SPPL2B: variants seen among roughly 807,000 people sequenced by gnomAD.
The protein encoded by SPPL2B is signal peptide peptidase-like 2B.
SPPL2B carries 39 observed loss-of-function variants against 59.7 expected under a neutral mutation model. That is an observed-to-expected ratio of 0.65 (90% CI 0.51 to 0.85). The LOEUF (loss-of-function observed/expected upper bound fraction) is 0.85, where lower values mean the gene tolerates loss of function less well. Among genes scored for constraint, SPPL2B ranks in the 40% least tolerant of loss-of-function variants. The pLI is 0.00. For missense variants in SPPL2B, 865 were observed against 849.0 expected, an observed-to-expected ratio of 1.02 and a Z score of -0.23; for synonymous variants, 419 against 370.8, an observed-to-expected ratio of 1.13 and a Z score of -1.49.
rs768926314 is a variant in SPPL2B, at chr19:2,343,102, TG to T, written c.957-105del. Reference sequence around the variant, plus strand: ...ATCCCCTGGGCAGGTGGAAGGGCAGTGGGGCTGCGTGCTGGCTGAGAGCAAG... The same window carrying T: ...ATCCCCTGGGCAGGTGGAAGGGCAGTGGGCTGCGTGCTGGCTGAGAGCAAG... On this transcript the variant is annotated intron_variant, in intron 8 of 14. Coordinates refer to ENST00000613503, the MANE Select transcript of SPPL2B (RefSeq NM_152988.3). 1.9e-4 allele frequency: 157 copies of T among 827,786 alleles called. No individual in the cohort carries two copies. In the Middle Eastern group the frequency reaches 3.0e-3, roughly 16 times the overall value. The allele number at this position is 827,786 out of a possible 1,614,324, so 51.3% of individuals were successfully genotyped here.
rs1360549002 is a variant in SPPL2B at position 2,340,107 on chromosome 19, C to T, written c.774C>T (p.Ala258=). Residue 258 remains alanine (A), a synonymous_variant, in exon 7 of 15, where the codon GCC becomes GCT. Transcript: ENST00000613503. The part of the protein sequence containing the change: ...VYVVIGIFCL[A]SATGLYSCLA... ...TGGTCATCGGGATCTTCTGCCTGGCCTCCGCCACCGGCCTCTACAGCTGCC... is the reference window on the plus strand; with the variant it reads ...TGGTCATCGGGATCTTCTGCCTGGCTTCCGCCACCGGCCTCTACAGCTGCC... The T allele has an allele frequency of 8.8e-6, 14 of 1,594,608 alleles. No individual in the cohort carries two copies. The highest frequency in any genetic ancestry group is 1.2e-5 in the Non-Finnish European group (14 of 1,176,056).
At position 2,353,035 on chromosome 19, in the gene SPPL2B, G is replaced by A. The variant is rs750371156; in HGVS notation, c.1605G>A (p.Pro535=). The A allele has an allele frequency of 1.8e-5, 29 of 1,611,764 alleles. No homozygotes were observed. The highest frequency in any genetic ancestry group is 4.4e-5 in the South Asian group (4 of 91,046). The change falls in exon 15 of 15, where the codon CCG becomes CCA. Residue 535 remains proline (P), a synonymous_variant. Coordinates refer to ENST00000613503, the MANE Select transcript of SPPL2B (RefSeq NM_152988.3). Reference sequence around the variant, plus strand: ...CTGCCACGCCACTCTCCCCGCAGCCGCCCAGCGAAGAACCAGCCACATCCC... The same window carrying A: ...CTGCCACGCCACTCTCCCCGCAGCCACCCAGCGAAGAACCAGCCACATCCC... ...KDSATPLSPQ[P]PSEEPATSPW...
At chr19:2,350,621 A>T (rs1969873541) in intron 13 of SPPL2B, among the ~76,000 whole-genome samples, 1 of 152,256 alleles carries the variant, frequency 6.6e-6, no homozygotes, top group South Asian at 2.1e-4. Context: ...TGGGGAAAAG[A>T]TTTGTGTTCT....
At chr19:2,331,359 G>A (rs1021712190) in intron 1 of SPPL2B, among the ~76,000 whole-genome samples, 2 of 152,232 alleles carry the variant, frequency 1.3e-5, no homozygotes, top group African/African-American at 4.8e-5. Flanking sequence ...CAATTGTGAA[G>A]GATTTGGAGG....
At position 2,353,210 on chromosome 19, in the gene SPPL2B, G is replaced by C. The variant is rs775219707; in HGVS notation, c.*1G>C. ...AACCCAGCCTGGCGCCTCGGCCTAG[G>C]GGAGGGGTGAGACGCTCGCTGCCGT... On this transcript the variant is annotated 3_prime_UTR_variant, in exon 15 of 15. Coordinates refer to ENST00000613503, the MANE Select transcript of SPPL2B (RefSeq NM_152988.3). The C allele has an allele frequency of 3.1e-6, 5 of 1,593,362 alleles. No individual in the cohort carries two copies. The Admixed American group carries it at 8.6e-5, about 27-fold the overall frequency.
At position 2,343,926 on chromosome 19, in the gene SPPL2B, G is replaced by A. The variant is rs971275526; in HGVS notation, c.1039-39G>A. 3 of 1,508,418 alleles carry A rather than the reference G, an allele frequency of 2.0e-6. No individual in the cohort carries two copies. The African/African-American group carries it at 4.2e-5, about 21-fold the overall frequency. The allele number at this position is 1,508,418 out of a possible 1,614,324, so 93.4% of individuals were successfully genotyped here. On this transcript the variant is annotated intron_variant, in intron 9 of 14. Coordinates refer to ENST00000613503, the MANE Select transcript of SPPL2B (RefSeq NM_152988.3). ...ATGAGATGGGAGTGGGGGAGGCACG[G>A]GCCGGGGTGGGGGCCGCCCTCAGCC... is the stretch of plus-strand genomic sequence containing the variant.
At chr19:2,348,610 TTCTC>T (rs1158636762) in intron 13 of SPPL2B, among the ~76,000 whole-genome samples, 1 of 140,390 alleles carries the variant, frequency 7.1e-6, no homozygotes, top group African/African-American at 2.6e-5. Context: ...CCTGATTCCA[TTCTC>T]TCTCTCCACA....
At chr19:2,335,407 G>T (rs1968526650) in intron 2 of SPPL2B, among the ~76,000 whole-genome samples, 6 of 126,672 alleles carry the variant, frequency 4.7e-5, no homozygotes, top group Non-Finnish European at 6.6e-5. Context: ...CTTTCCCACT[G>T]CATGCTTCAG....
intron 2 of SPPL2B, 65 bp from the exon 3 acceptor site, chr19:2,337,378 C>G (rs3752204): frequency 0.96 from 1,396,173 of 1,450,486 alleles, 672,125 homozygotes; most frequent in African/African-American, 0.99. Context: ...GGTGGGAGAA[C>G]GGGCAGCTGG....
rs962997370 is a variant in SPPL2B at position 2,353,557 on chromosome 19, C to T, written c.*348C>T. 12 of 276,066 alleles carry T rather than the reference C, an allele frequency of 4.3e-5. No individual in the cohort carries two copies. The highest frequency in any genetic ancestry group is 2.2e-4 in the African/African-American group (10 of 44,822). The allele number at this position is 276,066 out of a possible 1,614,324, so 17.1% of individuals were successfully genotyped here. ...TGAGCAGGCGTGGGTGGACTCTGGC[C>T]GCGGCCACACTTGGTGCTCACCAGC... On this transcript the variant is annotated 3_prime_UTR_variant, in exon 15 of 15. Transcript: ENST00000613503.
chr19:2,339,295 G>A (rs1444537655), intron 5 of SPPL2B, 87 bp downstream of exon 5: 17 of 1,477,952 alleles, frequency 1.2e-5, no homozygotes, highest in Non-Finnish European at 1.5e-5. Flanking sequence ...ACAGCAGTGA[G>A]TGCTTTGGCC....
At chr19:2,331,635 T>A (rs1265362104) in intron 1 of SPPL2B, among the ~76,000 whole-genome samples, 1 of 152,214 alleles carries the variant, frequency 6.6e-6, no homozygotes, top group Non-Finnish European at 1.5e-5. Flanking sequence ...TGTGCTTTTG[T>A]GCTTTTAAAT....
At chr19:2,336,430 T>G (rs1968617452) in intron 2 of SPPL2B, among the ~76,000 whole-genome samples, 2 of 146,816 alleles carry the variant, frequency 1.4e-5, no homozygotes, top group South Asian at 4.2e-4. Context: ...TAGGTTTGTG[T>G]GTGGATGTGT....
At chr19:2,349,164 C>CT (rs1491244637) in intron 13 of SPPL2B, among the ~76,000 whole-genome samples, 9 of 57,454 alleles carry the variant, frequency 1.6e-4, no homozygotes, top group East Asian at 5.3e-4. Context: ...TCCATTCTCT[C>CT]CCTCCACACA....
intron 7 of SPPL2B, 22 bp downstream of exon 7, chr19:2,340,194 C>T (rs781923070): frequency 2.8e-5 from 42 of 1,522,706 alleles, no homozygotes; most frequent in Admixed American, 4.1e-5. Context: ...CTGCTGGCCC[C>T]GACGTGCCTG....
chr19:2,340,652 G>T, intron 7 of SPPL2B: 1 of 572,104 alleles, frequency 1.7e-6, no homozygotes, highest in Non-Finnish European at 3.1e-6. Flanking sequence ...CTCGGGCGAA[G>T]GGGCGCAGCG....
At chr19:2,334,983 C>G (rs1222967543) in intron 2 of SPPL2B, among the ~76,000 whole-genome samples, 1 of 152,144 alleles carries the variant, frequency 6.6e-6, no homozygotes, top group Admixed American at 6.5e-5. Context: ...CTCTACTGCT[C>G]CATGCCGGGG....
rs377516771 is a variant in SPPL2B, at chr19:2,348,311, G to A, written c.1354+2981G>A. Among the ~76,000 whole-genome samples, 6 of 76,810 alleles carry A rather than the reference G, an allele frequency of 7.8e-5. No individual in the cohort carries two copies. In the South Asian group the frequency reaches 1.8e-3, roughly 23 times the overall value. The allele number at this position is 76,810 out of a possible 152,430, so 50.4% of individuals were successfully genotyped here. A position where few individuals can be genotyped will look rare whatever the true frequency, so the allele number is the denominator to read the frequency against. ...TCTCTCCCTCCACACACACACTCGCGCTCTCATTCGCTTGATGCGGTTCTC... is the reference window on the plus strand; with the variant it reads ...TCTCTCCCTCCACACACACACTCGCACTCTCATTCGCTTGATGCGGTTCTC... On this transcript the variant is annotated intron_variant, in intron 13 of 14. Coordinates refer to ENST00000613503, the MANE Select transcript of SPPL2B (RefSeq NM_152988.3).
chr19:2,344,098 C>T (rs1568443997), intron 10 of SPPL2B, 59 bp downstream of exon 10: 3 of 1,163,182 alleles, frequency 2.6e-6, no homozygotes, highest in Non-Finnish European at 3.5e-6. Context: ...CCCCTCGCAA[C>T]CCCCGCCCCA....
Sources: gnomAD v4.1 joint callset for allele counts (sites outside exome capture counted in the v4.1 genomes callset) on GRCh38, gnomAD v4.1.1 for gene constraint, MANE v1.5 for transcripts, NCBI Gene and HGNC (gene_info 2026-07-23, HGNC 2026-07-21) for gene names.